Variants in NEBL observed in about 807,000 individuals in gnomAD.
The protein encoded by NEBL is nebulette.
Under a neutral mutation model 140.2 loss-of-function variants are expected in NEBL, and 122 were observed. That is an observed-to-expected ratio of 0.87 (90% CI 0.75 to 1.01). The LOEUF is 1.01. NEBL is among the 50% of genes least tolerant of loss of function. The pLI is 0.00. For synonymous variants in NEBL, 436 were observed against 398.9 expected, an observed-to-expected ratio of 1.09 and a Z score of -1.11; for missense variants, 1,365 against 1,231.3, an observed-to-expected ratio of 1.11 and a Z score of -1.62.
intron 12 of NEBL, 38 bp downstream of exon 12, chr10:20,845,220 T>C: frequency 1.5e-6 from 2 of 1,312,296 alleles, no homozygotes; most frequent in Non-Finnish European, 2.2e-6. Context: ...TTCTTTACTT[T>C]TCTTCATAAT....
At chr10:20,899,510 A>G (rs1371112641), upstream of NEBL, 1 of 970,740 alleles carries the variant, frequency 1.0e-6, no homozygotes, top group Non-Finnish European at 1.4e-6. Context: ...AAAACCAAAC[A>G]CCACGTGCAA....
chr10:21,167,339 TAA>T (rs1243422695), intron 2 of NEBL, among the ~76,000 whole-genome samples: 2 of 152,178 alleles, frequency 1.3e-5, no homozygotes, highest in Non-Finnish European at 2.9e-5. Flanking sequence ...GCCCCATAAT[TAA>T]AGATACATTT....
At chr10:21,009,956 C>T (rs1316830228) in intron 3 of NEBL, among the ~76,000 whole-genome samples, 2 of 152,124 alleles carry the variant, frequency 1.3e-5, no homozygotes, top group East Asian at 1.9e-4. Context: ...GCTGGTTACC[C>T]CTAGAGTTAT....
chr10:21,038,465 G>A (rs1834109915), intron 2 of NEBL, among the ~76,000 whole-genome samples: 1 of 143,882 alleles, frequency 7.0e-6, no homozygotes, highest in African/African-American at 2.6e-5. Flanking sequence ...TGCAGTGTTT[G>A]GTTTTCTTGT....
chr10:21,080,234 C>T (rs1337597992), intron 2 of NEBL, among the ~76,000 whole-genome samples: 1 of 152,226 alleles, frequency 6.6e-6, no homozygotes, highest in African/African-American at 2.4e-5. Flanking sequence ...CATGTCATCA[C>T]TTTCTAAATA....
In NEBL at chr10:20,918,178, C is replaced by G. The variant is rs543609948; in HGVS notation, c.357+43494G>C. ...GTTAAAGACCAGCCTGGCCAACATG[C>G]TGAAACCCTGTCGCTACTAAAATAC... On this transcript the variant is annotated intron_variant, in intron 4 of 6. Coordinates refer to the NEBL transcript ENST00000417816. Among the ~76,000 whole-genome samples the G allele has an allele frequency of 1.5e-3, 225 of 151,966 alleles. 1 individual carries two copies. The highest frequency in any genetic ancestry group is 2.7e-3 in the Non-Finnish European group (183 of 67,930).
At chr10:21,167,074 G>A (rs982322705) in intron 2 of NEBL, among the ~76,000 whole-genome samples, 1 of 152,196 alleles carries the variant, frequency 6.6e-6, no homozygotes, top group Non-Finnish European at 1.5e-5. Flanking sequence ...AACAGGGGCC[G>A]GCAGAACTGT....
At chr10:20,948,559 G>A (rs1835289585) in intron 4 of NEBL, among the ~76,000 whole-genome samples, 1 of 152,162 alleles carries the variant, frequency 6.6e-6, no homozygotes, top group Non-Finnish European at 1.5e-5. Context: ...AGGCACAGGG[G>A]TGGACAAGAA....
chr10:21,086,390 C>T (rs1291007250), intron 2 of NEBL, among the ~76,000 whole-genome samples: 1 of 152,186 alleles, frequency 6.6e-6, no homozygotes, highest in South Asian at 2.1e-4. Context: ...TAGCTGCTCC[C>T]TATAGGTTTC....
intron 1 of NEBL, among the ~76,000 whole-genome samples, chr10:21,270,189 T>C (rs895921312): frequency 7.9e-5 from 12 of 152,288 alleles, no homozygotes; most frequent in African/African-American, 2.4e-4. Flanking sequence ...GTTTCTGTCA[T>C]CCCTCTGTGA....
At chr10:21,223,447 C>G (rs1468862169) in intron 3 of NEBL, among the ~76,000 whole-genome samples, 1 of 152,180 alleles carries the variant, frequency 6.6e-6, no homozygotes, top group African/African-American at 2.4e-5. Context: ...TTCCATTCAT[C>G]TGTTGATGGA....
At chr10:20,843,717 C>T (rs752827122) in intron 12 of NEBL, among the ~76,000 whole-genome samples, 8 of 151,982 alleles carry the variant, frequency 5.3e-5, no homozygotes, top group Non-Finnish European at 1.0e-4. Context: ...CATAATTGTA[C>T]ATATTTATGG....
At chr10:20,865,860 T>A (rs977324882) in intron 7 of NEBL, among the ~76,000 whole-genome samples, 7 of 152,150 alleles carry the variant, frequency 4.6e-5, no homozygotes, top group Non-Finnish European at 1.0e-4. Flanking sequence ...CAGGGAGCAG[T>A]TGTGTCCACT....
intron 2 of NEBL, 42 bp downstream of exon 2, chr10:20,896,916 G>A: frequency 6.0e-6 from 9 of 1,499,508 alleles, no homozygotes; most frequent in Non-Finnish European, 8.4e-6. Flanking sequence ...TAATACCACA[G>A]GTGCAATGCA....
In NEBL at chr10:20,825,412, T is replaced by G. The variant is rs149482445; in HGVS notation, c.1869+1035A>C. 3.9e-3 allele frequency among the ~76,000 whole-genome samples: 597 copies of G among 152,172 alleles called. 3 individuals are homozygous for G. Among genetic ancestry groups the G allele is most frequent in the South Asian group, 8.3e-3 (40 of 4,814 alleles). ...TAGCTTATGCCTGTAATCCCAGCACTTTGGGAGGCTGAAGCGGGAGGATCA... is the reference window on the plus strand; with the variant it reads ...TAGCTTATGCCTGTAATCCCAGCACGTTGGGAGGCTGAAGCGGGAGGATCA... On this transcript the variant is annotated intron_variant, in intron 18 of 27. Transcript: ENST00000377122.
At chr10:20,792,610 T>A (rs1836109705) in intron 26 of NEBL, among the ~76,000 whole-genome samples, 1 of 152,132 alleles carries the variant, frequency 6.6e-6, no homozygotes, top group East Asian at 1.9e-4. Flanking sequence ...GAGACCAGCC[T>A]GGCCAATATG....
chr10:21,163,496 G>A (rs1840637924), intron 2 of NEBL, among the ~76,000 whole-genome samples: 1 of 152,148 alleles, frequency 6.6e-6, no homozygotes, highest in African/African-American at 2.4e-5. Flanking sequence ...TCACACTCTG[G>A]ATCAATTAAT....
chr10:21,073,314 C>A (rs1835902319), intron 2 of NEBL, among the ~76,000 whole-genome samples: 1 of 147,628 alleles, frequency 6.8e-6, no homozygotes, highest in Non-Finnish European at 1.5e-5. Flanking sequence ...CAGAGTGAGA[C>A]CCTGTCTCAA....
At chr10:21,171,963 G>A (rs1841093234) in intron 2 of NEBL, 1 of 249,450 alleles carries the variant, frequency 4.0e-6, no homozygotes, top group Non-Finnish European at 7.9e-6. Context: ...AAATGAGCAA[G>A]ACTCCTTTCC....
Sources: gnomAD v4.1 joint callset for allele counts (sites outside exome capture counted in the v4.1 genomes callset) on GRCh38, gnomAD v4.1.1 for gene constraint, MANE v1.5 for transcripts, NCBI Gene and HGNC (gene_info 2026-07-23, HGNC 2026-07-21) for gene names.